Variants in NAGPA observed in about 807,000 individuals in gnomAD.
NAGPA encodes the protein N-acetylglucosamine-1-phosphodiester alpha-N-acetylglucosaminidase, also known as alpha-N-acetylglucosaminyl phosphodiesterase.
A neutral mutation model predicts 48.5 loss-of-function variants in NAGPA; 56 were observed. The observed-to-expected ratio is 1.15, with a 90% CI of 0.93 to 1.44. The LOEUF (loss-of-function observed/expected upper bound fraction) is 1.44, where lower values mean the gene tolerates loss of function less well. Among genes scored for constraint, NAGPA ranks in the 40% most tolerant of loss-of-function variants. NAGPA has a pLI of 0.00. For missense variants in NAGPA, 888 were observed against 735.0 expected (o/e 1.21, Z -2.41); for synonymous variants, 399 against 315.5 (o/e 1.26, Z -2.81).
At position 5,033,171 on chromosome 16, in the gene NAGPA, C is replaced by T. The variant is rs1956132728; in HGVS notation, c.542+102G>A. 1.5e-6 allele frequency: 2 copies of T among 1,355,388 alleles called. No homozygotes were observed. Among genetic ancestry groups the T allele is most frequent in the Non-Finnish European group, 2.0e-6 (2 of 985,290 alleles). 84.0% of individuals were successfully genotyped at this position (1,355,388 alleles called of 1,614,324 possible). On this transcript the variant is annotated intron_variant, in intron 2 of 9. Transcript: ENST00000312251. The surrounding 1 kb of genome is among the most constrained non-coding windows in gnomAD (Gnocchi z 4.2). ...TATCCCCATTCTGCAGAGGAGGAAA[C>T]AGGGGCTCAGCTTGGTTAAGTGACT...
At chr16:5,027,225 G>T in intron 8 of NAGPA, 27 bp from the exon 9 acceptor site, 1 of 1,614,242 alleles carries the variant, frequency 6.2e-7, no homozygotes, top group Non-Finnish European at 8.5e-7. Context: ...ACAGGCTGAA[G>T]GGGCCGGAGC....
Position 5,025,608 on chromosome 16 carries a change from A to T in NAGPA, c.1418T>A (p.Leu473Gln), listed in dbSNP as rs1329596056. 6.2e-7 allele frequency: 1 copy of T among 1,613,968 alleles called. No homozygotes were observed. The highest frequency in any genetic ancestry group is 1.7e-5 in the Admixed American group (1 of 60,024). Residue 473 changes from leucine (L) to glutamine (Q), a missense_variant, in exon 10 of 10, where the codon CTG becomes CAG. Coordinates refer to ENST00000312251, the MANE Select transcript of NAGPA (RefSeq NM_016256.4). ...GCGCCGGTTCCTCTCTGCTCTGGAC[A>T]GGAGCAAGGACAGGTTTGCTGCAGT... The part of the protein sequence containing the change: ...ISTAANLSLL[L>Q]SRAERNRRLH...
Position 5,025,692 on chromosome 16 carries a change from A to G in NAGPA, c.1341-7T>C. 1 of 1,591,680 alleles carries G rather than the reference A, an allele frequency of 6.3e-7. No homozygotes were observed. The highest frequency in any genetic ancestry group is 1.3e-5 in the African/African-American group (1 of 74,432). On this transcript the variant is annotated splice_polypyrimidine_tract_variant and splice_region_variant and intron_variant, in intron 9 of 9. Transcript: ENST00000312251. ...GAGGGCTAGCCAGGCGGTCCTGCAG[A>G]CAGGAGAGAAGCCCCAAGTGGGGGA... is the stretch of plus-strand genomic sequence containing the variant.
At position 5,031,904 on chromosome 16, in the gene NAGPA, G is replaced by A; in HGVS notation, c.543-20C>T. The A allele has an allele frequency of 6.2e-7, 1 of 1,614,104 alleles. No homozygotes were observed. The highest frequency in any genetic ancestry group is 8.5e-7 in the Non-Finnish European group (1 of 1,180,018). On this transcript the variant is annotated intron_variant, in intron 2 of 9. Transcript: ENST00000312251. Reference sequence around the variant, plus strand: ...AGGTACCTGGATCCGGGGAAGGTGGGAAGCTCACTCACCAGCAGGGGCAAC... The same window carrying A: ...AGGTACCTGGATCCGGGGAAGGTGGAAAGCTCACTCACCAGCAGGGGCAAC...
chr16:5,030,594 G>A, intron 3 of NAGPA, 101 bp from the exon 4 acceptor site: 1 of 944,746 alleles, frequency 1.1e-6, no homozygotes, highest in South Asian at 1.4e-5. Context: ...GTACCTCCCT[G>A]GGAAGCACAG....
intron 8 of NAGPA, 27 bp from the exon 9 acceptor site, chr16:5,027,225 G>A: frequency 6.2e-7 from 1 of 1,614,242 alleles, no homozygotes; most frequent in African/African-American, 1.3e-5. Flanking sequence ...ACAGGCTGAA[G>A]GGGCCGGAGC....
Position 5,027,903 on chromosome 16 carries a change from C to A in NAGPA, c.1127-10G>T, listed in dbSNP as rs768438845. ...TCACAGCGGCAGCCGGCTGCCGAGA[C>A]AAGACCGGGGAGGCCAGGTGAGGGC... is the stretch of plus-strand genomic sequence containing the variant. On this transcript the variant is annotated splice_polypyrimidine_tract_variant and intron_variant, in intron 6 of 9. Transcript: ENST00000312251. The A allele has an allele frequency of 6.2e-7, 1 of 1,605,422 alleles. No homozygotes were observed. The highest frequency in any genetic ancestry group is 8.5e-7 in the Non-Finnish European group (1 of 1,176,272).
intron 7 of NAGPA, 82 bp from the exon 8 acceptor site, chr16:5,027,461 G>A (rs998053644): frequency 7.0e-7 from 1 of 1,422,182 alleles, no homozygotes; most frequent in Non-Finnish European, 9.8e-7. Context: ...GACAGGACAG[G>A]ATACCTGCCC....
intron 7 of NAGPA, 147 bp downstream of exon 7, chr16:5,027,697 TCA>T: frequency 8.2e-7 from 1 of 1,224,508 alleles, no homozygotes; most frequent in Non-Finnish European, 1.2e-6. Flanking sequence ...CACAGGGGAG[TCA>T]CACAGTGATG....
intron 6 of NAGPA, 28 bp from the exon 7 acceptor site, chr16:5,027,921 G>A: frequency 6.2e-7 from 1 of 1,611,802 alleles, no homozygotes; most frequent in Non-Finnish European, 8.5e-7. Context: ...GGGAGGCCAG[G>A]TGAGGGCCTA....
chr16:5,028,924 G>C lies in NAGPA; in HGVS notation c.876C>G (p.Thr292=), dbSNP rs1398562706. The change falls in exon 5 of 10, where the codon ACC becomes ACG. Residue 292 remains threonine, a synonymous_variant. Transcript: ENST00000312251. ...AINLDGGGSA[T]FVLNGTLASY... is the part of the protein sequence containing the mutation. ...TGGCCAAGGTCCCGTTGAGCACAAA[G>C]GTGGCAGAGCCACCCCCATCCAGGT... The C allele has an allele frequency of 6.2e-7, 1 of 1,613,948 alleles. No homozygotes were observed. Among genetic ancestry groups the C allele is most frequent in the Admixed American group, 1.7e-5 (1 of 60,006 alleles).
chr16:5,028,411 T>TA, intron 5 of NAGPA: 1 of 875,620 alleles, frequency 1.1e-6, no homozygotes, highest in Non-Finnish European at 1.8e-6. Flanking sequence ...AATTTTTTTT[T>TA]ATTTTTTCAT....
rs191950518 is a variant in NAGPA at position 5,027,255 on chromosome 16, C to T, written c.1276+23G>A. 2.3e-5 allele frequency: 37 copies of T among 1,614,122 alleles called. No individual in the cohort carries two copies. In the Admixed American group the frequency reaches 3.0e-4, roughly 13 times the overall value. ...CGGAGCAGGAGCGTCTGCCCATACC[C>T]CTCCCCTTGGAGGGATAGGTACCTC... is the stretch of plus-strand genomic sequence containing the variant. On this transcript the variant is annotated intron_variant, in intron 8 of 9. Coordinates refer to ENST00000312251, the MANE Select transcript of NAGPA (RefSeq NM_016256.4).
intron 9 of NAGPA, 72 bp from the exon 10 acceptor site, chr16:5,025,757 C>G: frequency 6.8e-7 from 1 of 1,465,984 alleles, no homozygotes; most frequent in Non-Finnish European, 9.3e-7. Context: ...ACTGGAGGGG[C>G]TTCCCTCTAC....
At chr16:5,032,298 A>G (rs1039605578) in intron 2 of NAGPA, among the ~76,000 whole-genome samples, 8 of 152,086 alleles carry the variant, frequency 5.3e-5, no homozygotes, top group Admixed American at 4.6e-4. Context: ...AACAAGCTTT[A>G]TCATCAACAA....
At chr16:5,026,986 A>C (rs1956012448) in intron 9 of NAGPA, 149 bp downstream of exon 9, 1 of 998,412 alleles carries the variant, frequency 1.0e-6, no homozygotes, top group African/African-American at 1.6e-5. Context: ...CAGGGTCCCC[A>C]AAGCAGACAG....
Position 5,025,459 on chromosome 16 carries a change from C to A in NAGPA, c.*19G>T. On this transcript the variant is annotated 3_prime_UTR_variant, in exon 10 of 10. Transcript: ENST00000312251. The stretch of plus-strand genomic sequence containing the variant: ...GGAAACAAGCTTTCGCGACGTGCCA[C>A]CCCGGGCAGCTTGAGGCTTCAGTCC... The A allele has an allele frequency of 6.2e-7, 1 of 1,611,256 alleles. No homozygotes were observed. The highest frequency in any genetic ancestry group is 1.1e-5 in the South Asian group (1 of 90,996).
At position 5,030,531 on chromosome 16, in the gene NAGPA, G is replaced by A. The variant is rs987623409; in HGVS notation, c.683-38C>T. ...CAGCCTGGCTGATCACCGCCCCTTGGGAGGCCTCCTGCTTCTTGCCTAACT... is the reference window on the plus strand; with the variant it reads ...CAGCCTGGCTGATCACCGCCCCTTGAGAGGCCTCCTGCTTCTTGCCTAACT... On this transcript the variant is annotated intron_variant, in intron 3 of 9. Coordinates refer to ENST00000312251, the MANE Select transcript of NAGPA (RefSeq NM_016256.4). 5 of 1,500,116 alleles carry A rather than the reference G, an allele frequency of 3.3e-6. No homozygotes were observed. The African/African-American group carries it at 6.9e-5, about 21-fold the overall frequency. The allele number at this position is 1,500,116 out of a possible 1,614,324, so 92.9% of individuals were successfully genotyped here.
At chr16:5,028,836 G>C (rs1956049850) in intron 5 of NAGPA, 44 bp downstream of exon 5, 7 of 1,613,092 alleles carry the variant, frequency 4.3e-6, no homozygotes, top group Non-Finnish European at 5.1e-6. Flanking sequence ...GGCTGGGGCA[G>C]ACCTGGACTT....
Sources: allele counts gnomAD v4.1 joint callset (sites outside exome capture counted in the v4.1 genomes callset), GRCh38; gene constraint gnomAD v4.1.1; non-coding constraint Gnocchi (gnomAD v3.1); transcripts MANE v1.5; gene names NCBI Gene and HGNC (gene_info 2026-07-23, HGNC 2026-07-21).